Variants in SGK1 observed in about 807,000 individuals in gnomAD.
SGK1 encodes the protein serine/threonine-protein kinase Sgk1.
A neutral mutation model predicts 64.2 loss-of-function variants in SGK1; 26 were observed. The ratio of observed to expected loss-of-function variants is 0.40; its 90% CI spans 0.30 to 0.56. SGK1 has a LOEUF of 0.56. Among genes scored for constraint, SGK1 ranks in the 20% least tolerant of loss-of-function variants. The pLI is 0.38. For synonymous variants in SGK1, 265 were observed against 239.7 expected, an observed-to-expected ratio of 1.11 and a Z score of -0.98; for missense variants, 519 against 645.6, an observed-to-expected ratio of 0.80 and a Z score of 2.12.
chr6:134,209,188 C>A (rs1382957584), intron 2 of SGK1, among the ~76,000 whole-genome samples: 1 of 152,134 alleles, frequency 6.6e-6, no homozygotes, highest in East Asian at 1.9e-4. Flanking sequence ...AATCCCAGCA[C>A]TTTGGGAGGC....
chr6:134,218,714 G>C, intron 2 of SGK1: 1 of 152,266 alleles, frequency 6.6e-6, no homozygotes, highest in East Asian at 1.9e-4. Flanking sequence ...ACTCTTACAG[G>C]TGTGAGCCAC....
chr6:134,292,012 G>GAGATCAC (rs1319758266), intron 1 of SGK1, among the ~76,000 whole-genome samples: 3 of 150,348 alleles, frequency 2.0e-5, no homozygotes, highest in Non-Finnish European at 4.4e-5. Flanking sequence ...ACAGTGAACT[G>GAGATCAC]AGATCACACC....
At chr6:134,195,160 G>C (rs975653995) in intron 3 of SGK1, among the ~76,000 whole-genome samples, 26 of 152,204 alleles carry the variant, frequency 1.7e-4, no homozygotes, top group African/African-American at 5.3e-4. Context: ...AAATGATTTG[G>C]ATAAAATAAG....
At position 134,170,807 on chromosome 6, in the gene SGK1, AAG is replaced by A. The variant is rs754742189; in HGVS notation, c.1413+17_1413+18del. 1 of 1,494,012 alleles carries A rather than the reference AAG, an allele frequency of 6.7e-7. No homozygotes were observed. Among genetic ancestry groups the A allele is most frequent in the Admixed American group, 1.7e-5 (1 of 59,084 alleles). The allele number at this position is 1,494,012 out of a possible 1,614,324, so 92.5% of individuals were successfully genotyped here. The stretch of plus-strand genomic sequence containing the variant: ...GCCCTTTGGGCTTCTCTATACTTAG[AAG>A]AGAGACAGATACTCACCACATTTGG... On this transcript the variant is annotated intron_variant, in intron 13 of 13. Transcript: ENST00000367858.
intron 2 of SGK1, among the ~76,000 whole-genome samples, chr6:134,240,485 G>A (rs1291822787): frequency 1.3e-5 from 2 of 151,152 alleles, no homozygotes; most frequent in Admixed American, 6.6e-5. Context: ...AATATTGTTC[G>A]GAATCCTGGC....
chr6:134,240,871 T>C (rs1161135506), intron 2 of SGK1, among the ~76,000 whole-genome samples: 1 of 152,226 alleles, frequency 6.6e-6, no homozygotes, highest in African/African-American at 2.4e-5. Flanking sequence ...TTGAGCAAAG[T>C]TGGCGAAGTT....
intron 2 of SGK1, among the ~76,000 whole-genome samples, chr6:134,224,565 A>G (rs1264131073): frequency 1.3e-5 from 2 of 152,292 alleles, no homozygotes; most frequent in East Asian, 3.9e-4. Context: ...CTGGCAGGGC[A>G]TCATATGCAG....
chr6:134,221,506 C>T (rs1776090347), intron 2 of SGK1, among the ~76,000 whole-genome samples: 2 of 152,098 alleles, frequency 1.3e-5, no homozygotes, highest in South Asian at 4.1e-4. Context: ...GCTTGCTTGT[C>T]ATTTTGTTTA....
At position 134,170,074 on chromosome 6, in the gene SGK1, A is replaced by C. The variant is rs546453106; in HGVS notation, c.*194T>G. Reference sequence around the variant, plus strand: ...GTTGGAAGGAAGAATAAAAATGAAAACCTCATGAGCTCACTGAGGAGAATG... The same window carrying C: ...GTTGGAAGGAAGAATAAAAATGAAACCCTCATGAGCTCACTGAGGAGAATG... On this transcript the variant is annotated 3_prime_UTR_variant, in exon 14 of 14. Coordinates refer to ENST00000367858, the MANE Select transcript of SGK1 (RefSeq NM_001143676.3). 2 of 423,544 alleles carry C rather than the reference A, an allele frequency of 4.7e-6. No individual in the cohort carries two copies. The highest frequency in any genetic ancestry group is 1.2e-4 in the South Asian group (2 of 16,316). 26.2% of individuals were successfully genotyped at this position (423,544 alleles called of 1,614,324 possible). A position where few individuals can be genotyped will look rare whatever the true frequency, so the allele number is the denominator to read the frequency against.
Position 134,235,206 on chromosome 6 carries a change from C to T in SGK1, c.285+26727G>A, listed in dbSNP as rs539218060. On this transcript the variant is annotated intron_variant, in intron 2 of 13. Coordinates refer to ENST00000367858, the MANE Select transcript of SGK1 (RefSeq NM_001143676.3). Reference sequence around the variant, plus strand: ...AAGATGCAGGTGGAGGTTGAGCAGTCTTTTCTAAAGCCATGAATAATAAGA... The same window carrying T: ...AAGATGCAGGTGGAGGTTGAGCAGTTTTTTCTAAAGCCATGAATAATAAGA... 1.7e-3 allele frequency among the ~76,000 whole-genome samples: 265 copies of T among 152,286 alleles called. 1 individual carries two copies. The highest frequency in any genetic ancestry group is 6.8e-3 in the Middle Eastern group (2 of 294).
At chr6:134,212,769 T>G (rs955073464) in intron 2 of SGK1, among the ~76,000 whole-genome samples, 6 of 152,216 alleles carry the variant, frequency 3.9e-5, no homozygotes, top group African/African-American at 1.4e-4. Context: ...TTTAATATTT[T>G]TTAATGCCAA....
intron 2 of SGK1, among the ~76,000 whole-genome samples, chr6:134,231,661 T>C (rs959293700): frequency 1.3e-5 from 2 of 152,236 alleles, no homozygotes; most frequent in African/African-American, 4.8e-5. Flanking sequence ...CTATTTATAA[T>C]TGCAAAACAC....
intron 3 of SGK1, among the ~76,000 whole-genome samples, chr6:134,181,664 A>AGC (rs1486052414): frequency 2.0e-5 from 3 of 151,462 alleles, no homozygotes; most frequent in African/African-American, 7.3e-5. Context: ...CCCATTTCTG[A>AGC]GCCTATAATC....
intron 11 of SGK1, 96 bp downstream of exon 11, chr6:134,171,541 C>G (rs116035612): frequency 4.7e-5 from 38 of 807,748 alleles, no homozygotes; most frequent in Non-Finnish European, 7.9e-5. Context: ...GATAAGCGTA[C>G]TGGTAAGGGC....
intron 2 of SGK1, among the ~76,000 whole-genome samples, chr6:134,259,505 G>A (rs946545229): frequency 3.9e-5 from 6 of 151,980 alleles, no homozygotes; most frequent in South Asian, 2.1e-4. Context: ...TTACCCGGGT[G>A]TGGTGTCAGA....
intron 1 of SGK1, among the ~76,000 whole-genome samples, chr6:134,278,638 A>G (rs1777051097): frequency 6.6e-6 from 1 of 152,194 alleles, no homozygotes. Flanking sequence ...TGTTTTATAA[A>G]TGAAGAAAAT....
At chr6:134,298,620 G>A (rs1179598739) in intron 1 of SGK1, 45 of 1,232,804 alleles carry the variant, frequency 3.7e-5, no homozygotes, top group African/African-American at 2.4e-4. Flanking sequence ...GGGCCCACTC[G>A]TGTAGGAGCG....
chr6:134,200,256 G>A (rs550035724), intron 3 of SGK1, among the ~76,000 whole-genome samples: 2 of 152,172 alleles, frequency 1.3e-5, no homozygotes, highest in Non-Finnish European at 2.9e-5. Context: ...AAAAGTGTGA[G>A]CAGTAAGATG....
Position 134,169,636 on chromosome 6 carries a change from A to T in SGK1, c.*632T>A, listed in dbSNP as rs1774943182. 1.3e-5 allele frequency: 2 copies of T among 152,678 alleles called. No individual in the cohort carries two copies. The highest frequency in any genetic ancestry group is 2.9e-5 in the Non-Finnish European group (2 of 68,048). The allele number at this position is 152,678 out of a possible 1,614,324, so 9.5% of individuals were successfully genotyped here. On this transcript the variant is annotated 3_prime_UTR_variant, in exon 14 of 14. Coordinates refer to ENST00000367858, the MANE Select transcript of SGK1 (RefSeq NM_001143676.3). Reference sequence around the variant, plus strand: ...TGCTTTCTTTAAGCATCTGAATACGAGTCATTGCAAGACCATTTCAATAAA... The same window carrying T: ...TGCTTTCTTTAAGCATCTGAATACGTGTCATTGCAAGACCATTTCAATAAA...
Sources: allele counts gnomAD v4.1 joint callset (sites outside exome capture counted in the v4.1 genomes callset), GRCh38; gene constraint gnomAD v4.1.1; transcripts MANE v1.5; gene names NCBI Gene and HGNC (gene_info 2026-07-23, HGNC 2026-07-21).